The following DOCK3 variants were observed in gnomAD, a reference collection of about 807,000 sequenced individuals.
DOCK3 encodes the protein dedicator of cytokinesis 3.
A neutral mutation model predicts 265.6 loss-of-function variants in DOCK3; 60 were observed. The observed-to-expected ratio is 0.23, with a 90% CI of 0.18 to 0.28. The LOEUF (loss-of-function observed/expected upper bound fraction) is 0.28, where lower values mean the gene tolerates loss of function less well. Ranked by LOEUF, DOCK3 falls within the 10% of genes least tolerant of loss-of-function variation. DOCK3 has a pLI of 1.00. For synonymous variants in DOCK3, 881 were observed against 938.0 expected (o/e 0.94, Z 1.11); for missense variants, 1,981 against 2,594.3 (o/e 0.76, Z 5.14).
At chr3:50,938,109 A>G (rs553587315) in intron 5 of DOCK3, among the ~76,000 whole-genome samples, 109 of 152,236 alleles carry the variant, frequency 7.2e-4, no homozygotes, top group African/African-American at 2.6e-3. Context: ...TTATATTATG[A>G]ATACTTTTTC....
chr3:50,697,210 C>T (rs1403833838), intron 1 of DOCK3, among the ~76,000 whole-genome samples: 1 of 151,892 alleles, frequency 6.6e-6, no homozygotes, highest in Non-Finnish European at 1.5e-5. Context: ...GAATTATAGG[C>T]GTGAGCCACT....
intron 5 of DOCK3, among the ~76,000 whole-genome samples, chr3:50,962,162 C>G (rs968339232): frequency 6.6e-6 from 1 of 152,108 alleles, no homozygotes; most frequent in East Asian, 1.9e-4. Context: ...GCCCCCAGAC[C>G]CCACAACAGG....
chr3:51,008,206 A>G (rs1199201531), intron 5 of DOCK3, among the ~76,000 whole-genome samples: 2 of 152,148 alleles, frequency 1.3e-5, no homozygotes, highest in Non-Finnish European at 2.9e-5. Flanking sequence ...TCTATAAATT[A>G]CCTTGGGCAG....
intron 9 of DOCK3, among the ~76,000 whole-genome samples, chr3:51,103,270 A>G (rs1423241757): frequency 6.6e-6 from 1 of 152,196 alleles, no homozygotes; most frequent in East Asian, 1.9e-4. Flanking sequence ...TGCTACAATG[A>G]GAGCCTGTGC....
At chr3:50,835,344 A>G (rs1293989852) in intron 2 of DOCK3, among the ~76,000 whole-genome samples, 1 of 152,230 alleles carries the variant, frequency 6.6e-6, no homozygotes, top group Non-Finnish European at 1.5e-5. Context: ...AAGGCATTGC[A>G]CTTTTTACTT....
rs74489388 is a variant in DOCK3, at chr3:50,712,943, C to T, written c.37+37643C>T. Among the ~76,000 whole-genome samples, 1,167 of 152,216 alleles carry T rather than the reference C, an allele frequency of 7.7e-3. 130 individuals carry two copies. In the East Asian group the frequency reaches 0.2, roughly 26 times the overall value. On this transcript the variant is annotated intron_variant, in intron 1 of 52. Transcript: ENST00000266037. ...GAATGTTTTGTAATTGTCTCTTAGGCCTAAAACAGACAATGTTTTGCCCTT... is the reference window on the plus strand; with the variant it reads ...GAATGTTTTGTAATTGTCTCTTAGGTCTAAAACAGACAATGTTTTGCCCTT...
chr3:51,239,851 CTTT>C (rs1314183254), intron 21 of DOCK3, among the ~76,000 whole-genome samples: 5 of 151,670 alleles, frequency 3.3e-5, no homozygotes, highest in African/African-American at 1.2e-4. Context: ...CTTTTTTCTT[CTTT>C]ATTAGTCTAG....
At chr3:50,944,606 T>C (rs2076379643) in intron 5 of DOCK3, among the ~76,000 whole-genome samples, 1 of 152,190 alleles carries the variant, frequency 6.6e-6, no homozygotes. Context: ...TCTTCATTTT[T>C]AGAGTTATTG....
At chr3:51,172,179 CTTTT>C (rs111238598) in intron 12 of DOCK3, among the ~76,000 whole-genome samples, 2 of 137,262 alleles carry the variant, frequency 1.5e-5, no homozygotes. Context: ...AATATCGTTT[CTTTT>C]TTTTTTTTTT....
chr3:50,684,448 A>G (rs2034638719), intron 1 of DOCK3, among the ~76,000 whole-genome samples: 1 of 152,204 alleles, frequency 6.6e-6, no homozygotes. Context: ...ATTGTTAGAA[A>G]TTTGTGACAT....
chr3:50,945,305 A>G (rs1160709556), intron 5 of DOCK3, among the ~76,000 whole-genome samples: 1 of 152,122 alleles, frequency 6.6e-6, no homozygotes, highest in Non-Finnish European at 1.5e-5. Context: ...GGTATGTATG[A>G]TGAAGTTTAC....
intron 3 of DOCK3, chr3:50,863,410 G>A: frequency 1.9e-6 from 1 of 519,842 alleles, no homozygotes; most frequent in South Asian, 1.4e-5. Context: ...CATAGCTCTG[G>A]GTTACAAGGG....
intron 1 of DOCK3, among the ~76,000 whole-genome samples, chr3:50,748,398 T>G (rs1202232375): frequency 2.6e-5 from 4 of 152,146 alleles, no homozygotes; most frequent in African/African-American, 9.7e-5. Flanking sequence ...AAGTAAACAC[T>G]GGGTGGGGAA....
chr3:50,985,238 G>A (rs981533120), intron 5 of DOCK3, among the ~76,000 whole-genome samples: 44 of 152,120 alleles, frequency 2.9e-4, no homozygotes, highest in Admixed American at 2.7e-3. Flanking sequence ...TTTCTGTATT[G>A]CACATATGCT....
At chr3:51,224,577 A>G (rs1445450223) in intron 14 of DOCK3, among the ~76,000 whole-genome samples, 1 of 152,232 alleles carries the variant, frequency 6.6e-6, no homozygotes, top group Non-Finnish European at 1.5e-5. Flanking sequence ...GAACTGAAGT[A>G]GAAAAAATTA....
In DOCK3 at chr3:51,090,371, G is replaced by A. The variant is rs1576034267; in HGVS notation, c.733G>A (p.Gly245Ser). ...VFFSLYDMRE[G>S]KQISERFLVR... Reference sequence around the variant, plus strand: ...CTTTTCCTTATATGACATGAGGGAAGGCAAGCAGATCAGGTGAGAGTCACT... The same window carrying A: ...CTTTTCCTTATATGACATGAGGGAAAGCAAGCAGATCAGGTGAGAGTCACT... The change falls in exon 9 of 53, where the codon GGC becomes AGC. Residue 245 changes from glycine to serine, a missense_variant. By Grantham distance (56) the Gly-to-Ser change is moderately conservative. Transcript: ENST00000266037. 2 of 1,606,078 alleles carry A rather than the reference G, an allele frequency of 1.2e-6. No individual in the cohort carries two copies. The highest frequency in any genetic ancestry group is 4.5e-5 in the East Asian group (2 of 44,734).
chr3:51,021,692 C>T (rs974247906), intron 5 of DOCK3, among the ~76,000 whole-genome samples: 3 of 135,438 alleles, frequency 2.2e-5, no homozygotes, highest in South Asian at 2.3e-4. Flanking sequence ...GACGGAGTCT[C>T]GCACTGTCAC....
In DOCK3 at chr3:51,362,141, A is replaced by G. The variant is rs1301761380; in HGVS notation, c.5145+144A>G. On this transcript the variant is annotated intron_variant, in intron 48 of 52. Coordinates refer to ENST00000266037, the MANE Select transcript of DOCK3 (RefSeq NM_004947.5). ...AGAACACCCCTCACCAGAGCTAGAA[A>G]GCTGCCGTTCCTCCACACACCATCC... The G allele has an allele frequency of 3.6e-6, 4 of 1,116,860 alleles. No homozygotes were observed. In the African/African-American group the frequency reaches 6.3e-5, roughly 18 times the overall value. The allele number at this position is 1,116,860 out of a possible 1,614,324, so 69.2% of individuals were successfully genotyped here.
chr3:50,834,609 T>TCC (rs2045394459), intron 2 of DOCK3, among the ~76,000 whole-genome samples: 2 of 152,178 alleles, frequency 1.3e-5, no homozygotes, highest in East Asian at 3.8e-4. Flanking sequence ...AAAATATTAA[T>TCC]TAAGTCAGAG....
Sources: gnomAD v4.1 joint callset for allele counts (sites outside exome capture counted in the v4.1 genomes callset) on GRCh38, gnomAD v4.1.1 for gene constraint, MANE v1.5 for transcripts, NCBI Gene and HGNC (gene_info 2026-07-23, HGNC 2026-07-21) for gene names.